The following MLKL variants were observed in gnomAD, a reference collection of about 807,000 sequenced individuals.
MLKL encodes mixed lineage kinase domain like pseudokinase, also known as mixed lineage kinase domain-like protein.
A neutral mutation model predicts 56.5 loss-of-function variants in MLKL; 55 were observed. The observed-to-expected ratio is 0.97, with a 90% confidence interval of 0.78 to 1.22. MLKL has a LOEUF of 1.22. Ranked by LOEUF, MLKL falls within the 50% of genes most tolerant of loss-of-function variation. The pLI, the probability that MLKL is intolerant of heterozygous loss-of-function variation, is 0.00. For synonymous variants in MLKL, 251 were observed against 208.3 expected (o/e 1.20, Z -1.76); for missense variants, 694 against 573.9 (o/e 1.21, Z -2.14).
intron 4 of MLKL, among the ~76,000 whole-genome samples, chr16:74,687,828 C>T (rs996295558): frequency 1.3e-5 from 2 of 151,850 alleles, no homozygotes; most frequent in African/African-American, 4.8e-5. Flanking sequence ...GCCACCACGC[C>T]TGGCTATTTT....
rs1314165417 is a variant in MLKL, at chr16:74,675,009, G to T, written c.1332C>A (p.Ile444=). 15 of 1,614,032 alleles carry T rather than the reference G, an allele frequency of 9.3e-6. No individual in the cohort carries two copies. Among genetic ancestry groups the T allele is most frequent in the Non-Finnish European group, 1.2e-5 (14 of 1,180,046 alleles). ...GATCATGGGCCCGGCACTCATCAAT[G>T]ATCTCCCGCAGCTCTGAAGGGCAGT... ...GEDCPSELRE[I]IDECRAHDPS... The change falls in exon 10 of 11, where the codon ATC becomes ATA. Residue 444 remains isoleucine, a synonymous_variant. Transcript: ENST00000308807.
intron 7 of MLKL, chr16:74,678,228 C>G (rs1451523275): frequency 6.6e-6 from 1 of 152,380 alleles, no homozygotes; most frequent in African/African-American, 2.4e-5. Flanking sequence ...TTCTAAGTAA[C>G]TGAATGACAA....
At chr16:74,691,927 C>T (rs944379449) in intron 3 of MLKL, among the ~76,000 whole-genome samples, 3 of 152,184 alleles carry the variant, frequency 2.0e-5, no homozygotes, top group Non-Finnish European at 4.4e-5. Context: ...CCGTGAGCTC[C>T]TGGAAGGCAG....
chr16:74,678,698 G>A (rs1959757285), intron 7 of MLKL, among the ~76,000 whole-genome samples: 2 of 152,248 alleles, frequency 1.3e-5, no homozygotes, highest in East Asian at 1.9e-4. Flanking sequence ...CAGGAGAATC[G>A]CTTGAACCTG....
chr16:74,699,153 T>G (rs910413771), intron 1 of MLKL, among the ~76,000 whole-genome samples: 1 of 151,470 alleles, frequency 6.6e-6, no homozygotes, highest in Non-Finnish European at 1.5e-5. Flanking sequence ...AGAAAGAAAA[T>G]TGCACAAAAC....
chr16:74,686,467 C>T (rs1393305914), intron 4 of MLKL, among the ~76,000 whole-genome samples: 1 of 152,162 alleles, frequency 6.6e-6, no homozygotes, highest in East Asian at 1.9e-4. Flanking sequence ...CCTGTAGCCC[C>T]AGCTACTTGG....
At chr16:74,685,453 C>G in intron 5 of MLKL, 33 bp downstream of exon 5, 8 of 1,551,394 alleles carry the variant, frequency 5.2e-6, no homozygotes, top group Non-Finnish European at 7.1e-6. Flanking sequence ...CTAGGCCATC[C>G]AAAGCTTGAC....
At chr16:74,682,866 C>G (rs982972897) in intron 5 of MLKL, 80 bp from the exon 6 acceptor site, 5 of 1,527,668 alleles carry the variant, frequency 3.3e-6, no homozygotes, top group Admixed American at 3.8e-5. Context: ...CTCCCAGCCT[C>G]GGTACAGATA....
chr16:74,699,795 T>C (rs557508168), intron 1 of MLKL, among the ~76,000 whole-genome samples: 50 of 151,952 alleles, frequency 3.3e-4, no homozygotes, highest in Middle Eastern at 3.4e-3. Context: ...AAAAATTTAA[T>C]TGGGTGTGGT....
chr16:74,682,666 G>T lies in MLKL; in HGVS notation c.941C>A (p.Ala314Asp). The change falls in exon 6 of 11, where the codon GCC becomes GAC. Residue 314 changes from alanine (A) to aspartate (D), a missense_variant. Transcript: ENST00000308807. ...GKRMVLVLGA[A>D]RGLYRLHHSE... is the part of the protein sequence containing the mutation. ...CCCGTCTTACCGGTATAGGCCTCGG[G>T]CTGCCCCCAGGACTAGGACCATGCG... is the stretch of plus-strand genomic sequence containing the variant. 1 of 1,614,072 alleles carries T rather than the reference G, an allele frequency of 6.2e-7. No homozygotes were observed.
Position 74,676,462 on chromosome 16 carries a change from A to G in MLKL, c.1039-698T>C, listed in dbSNP as rs998211423. The G allele has an allele frequency of 3.0e-6, 3 of 985,324 alleles. No individual in the cohort carries two copies. In the African/African-American group the frequency reaches 5.2e-5, roughly 17 times the overall value. 61.0% of individuals were successfully genotyped at this position (985,324 alleles called of 1,614,324 possible). On this transcript the variant is annotated intron_variant, in intron 7 of 10. Coordinates refer to ENST00000308807, the MANE Select transcript of MLKL (RefSeq NM_152649.4). The stretch of plus-strand genomic sequence containing the variant: ...GTGAGAAAAGGGATAAGGCACTTAG[A>G]TGGCTCATCCCCCTTTCATTCATTC...
intron 10 of MLKL, among the ~76,000 whole-genome samples, chr16:74,674,472 C>T (rs1157177943): frequency 4.0e-5 from 6 of 150,060 alleles, no homozygotes; most frequent in African/African-American, 7.4e-5. Flanking sequence ...TTTTTTGAGA[C>T]GGAGTCTTGT....
At chr16:74,698,950 TA>T (rs1414308716) in intron 1 of MLKL, among the ~76,000 whole-genome samples, 3 of 151,818 alleles carry the variant, frequency 2.0e-5, no homozygotes, top group Non-Finnish European at 4.4e-5. Context: ...CCATCTCTAC[TA>T]AAAATACTAA....
chr16:74,672,782 G>A (rs1324542205), intron 10 of MLKL, among the ~76,000 whole-genome samples: 1 of 152,176 alleles, frequency 6.6e-6, no homozygotes, highest in Non-Finnish European at 1.5e-5. Context: ...TTACTCTCTG[G>A]TGTTAGATTC....
intron 2 of MLKL, among the ~76,000 whole-genome samples, chr16:74,693,826 A>G (rs1434871302): frequency 2.0e-5 from 3 of 152,020 alleles, no homozygotes. Context: ...GATGGTCTCA[A>G]TCTCCTGACC....
At chr16:74,699,790 T>C (rs1032228873) in intron 1 of MLKL, among the ~76,000 whole-genome samples, 1 of 151,564 alleles carries the variant, frequency 6.6e-6, no homozygotes, top group East Asian at 1.9e-4. Flanking sequence ...ACAAAAAAAA[T>C]TTAATTGGGT....
intron 5 of MLKL, among the ~76,000 whole-genome samples, chr16:74,683,708 C>T (rs1349666436): frequency 6.6e-6 from 1 of 151,960 alleles, no homozygotes; most frequent in African/African-American, 2.4e-5. Flanking sequence ...CCTCACTCAA[C>T]TGGATTCCCA....
At chr16:74,678,793 A>G in intron 7 of MLKL, 106 bp downstream of exon 7, 1 of 822,896 alleles carries the variant, frequency 1.2e-6, no homozygotes, top group Non-Finnish European at 2.0e-6. Context: ...AAATAAATAA[A>G]TAAATAAACT....
intron 1 of MLKL, among the ~76,000 whole-genome samples, chr16:74,698,025 G>A (rs962014264): frequency 1.3e-5 from 2 of 152,064 alleles, no homozygotes; most frequent in African/African-American, 4.8e-5. Context: ...GCAACATGGT[G>A]AAACCCTGTC....
Sources: gnomAD v4.1 joint callset for allele counts (sites outside exome capture counted in the v4.1 genomes callset) on GRCh38, gnomAD v4.1.1 for gene constraint, MANE v1.5 for transcripts, NCBI Gene and HGNC (gene_info 2026-07-23, HGNC 2026-07-21) for gene names.